The following MAD1L1 variants were observed in gnomAD, a reference collection of about 807,000 sequenced individuals.
The protein encoded by MAD1L1 is mitotic arrest deficient 1 like 1, also known as mitotic spindle assembly checkpoint protein MAD1.
MAD1L1 carries 95 observed loss-of-function variants against 96.9 expected under a neutral mutation model. The ratio of observed to expected loss-of-function variants is 0.98; its 90% CI spans 0.83 to 1.16. The LOEUF is 1.16. Ranked by LOEUF, MAD1L1 falls within the 50% of genes most tolerant of loss-of-function variation. The pLI, the probability that MAD1L1 is intolerant of heterozygous loss-of-function variation, is 0.00. For synonymous variants in MAD1L1, 473 were observed against 396.6 expected (o/e 1.19, Z -2.29); for missense variants, 1,007 against 954.4 (o/e 1.06, Z -0.73).
Position 1,989,608 on chromosome 7 carries a change from G to A in MAD1L1, c.1417-9067C>T, listed in dbSNP as rs540427008. On this transcript the variant is annotated intron_variant, in intron 14 of 18. Coordinates refer to ENST00000265854, the MANE Select transcript of MAD1L1 (RefSeq NM_001013836.2). Reference sequence around the variant, plus strand: ...GACCCTGGGAGAGCAGCCTGAGCGCGAGCACAGACGTCCCGGCAGCGCTCC... The same window carrying A: ...GACCCTGGGAGAGCAGCCTGAGCGCAAGCACAGACGTCCCGGCAGCGCTCC... Among the ~76,000 whole-genome samples the A allele has an allele frequency of 2.8e-4, 42 of 152,356 alleles. No individual in the cohort carries two copies. In the East Asian group the frequency reaches 6.0e-3, roughly 22 times the overall value.
chr7:2,151,355 C>A (rs1425075344), intron 10 of MAD1L1, among the ~76,000 whole-genome samples: 1 of 152,238 alleles, frequency 6.6e-6, no homozygotes, highest in Non-Finnish European at 1.5e-5. Flanking sequence ...AGGCTACAGG[C>A]TCCACCTACA....
At chr7:1,934,532 A>G (rs73050177) in intron 17 of MAD1L1, among the ~76,000 whole-genome samples, 5,106 of 151,576 alleles carry the variant, frequency 0.034, 189 homozygotes, top group Admixed American at 0.099. Flanking sequence ...CAGACAGGTG[A>G]ACCCGAGATG....
intron 18 of MAD1L1, among the ~76,000 whole-genome samples, chr7:1,823,984 G>A (rs1389293217): frequency 6.6e-6 from 1 of 152,332 alleles, no homozygotes; most frequent in South Asian, 2.1e-4. Context: ...GGGAAGTTAT[G>A]CTGGGAGCCC....
chr7:1,825,191 G>C (rs188405950), intron 18 of MAD1L1, among the ~76,000 whole-genome samples: 1 of 152,168 alleles, frequency 6.6e-6, no homozygotes, highest in Non-Finnish European at 1.5e-5. Flanking sequence ...TCCCCACTGC[G>C]GACACATGCA....
chr7:2,026,716 A>G (rs761456159), intron 12 of MAD1L1, among the ~76,000 whole-genome samples: 26 of 152,206 alleles, frequency 1.7e-4, no homozygotes, highest in Admixed American at 3.3e-4. Context: ...AAAAATCACA[A>G]TGGAAATTGA....
intron 12 of MAD1L1, among the ~76,000 whole-genome samples, chr7:2,067,768 G>A (rs765735488): frequency 4.6e-5 from 7 of 152,326 alleles, no homozygotes; most frequent in East Asian, 1.9e-4. Flanking sequence ...ACACACTTTC[G>A]CAAAGGGGAA....
chr7:1,886,957 C>G (rs913002666), intron 18 of MAD1L1, among the ~76,000 whole-genome samples: 3 of 152,272 alleles, frequency 2.0e-5, no homozygotes, highest in Non-Finnish European at 4.4e-5. Context: ...CCCGCAGGTT[C>G]CTGGTGAGAA....
intron 16 of MAD1L1, among the ~76,000 whole-genome samples, chr7:1,949,611 T>C (rs891768844): frequency 2.0e-5 from 3 of 152,146 alleles, no homozygotes; most frequent in African/African-American, 7.2e-5. Context: ...CCGCAGCCAC[T>C]TTCCACCTCC....
At chr7:2,118,210 C>T (rs1339561885) in intron 11 of MAD1L1, among the ~76,000 whole-genome samples, 3 of 152,232 alleles carry the variant, frequency 2.0e-5, no homozygotes, top group African/African-American at 7.2e-5. Context: ...CACAGCCTGT[C>T]AGACCCTCCA....
At chr7:1,961,001 G>A (rs1370018898) in intron 15 of MAD1L1, among the ~76,000 whole-genome samples, 1 of 152,152 alleles carries the variant, frequency 6.6e-6, no homozygotes, top group African/African-American at 2.4e-5. Flanking sequence ...AAATACTACT[G>A]ACAAAAGCAT....
At chr7:1,854,244 G>A (rs896641895) in intron 18 of MAD1L1, 7 of 351,126 alleles carry the variant, frequency 2.0e-5, no homozygotes, top group East Asian at 8.3e-5. Context: ...CCGGTGCCTC[G>A]GTGTTGGGTA....
Position 2,123,343 on chromosome 7 carries a change from T to C in MAD1L1, c.1073+25809A>G, listed in dbSNP as rs945527055. Reference sequence around the variant, plus strand: ...AAAGCAGCAGGGGAGCTCAGCCAGCTCAGGGACTGAGATGAAACTGCACGC... The same window carrying C: ...AAAGCAGCAGGGGAGCTCAGCCAGCCCAGGGACTGAGATGAAACTGCACGC... On this transcript the variant is annotated intron_variant, in intron 11 of 18. Coordinates refer to ENST00000265854, the MANE Select transcript of MAD1L1 (RefSeq NM_001013836.2). Among the ~76,000 whole-genome samples the C allele has an allele frequency of 2.7e-5, 4 of 148,572 alleles. No individual in the cohort carries two copies. The South Asian group carries it at 8.6e-4, about 32-fold the overall frequency.
chr7:2,111,731 A>T (rs986876502), intron 11 of MAD1L1, among the ~76,000 whole-genome samples: 12 of 152,202 alleles, frequency 7.9e-5, no homozygotes, highest in Non-Finnish European at 1.5e-4. Context: ...CTGTGGGGGC[A>T]GCTAAGCCCA....
intron 18 of MAD1L1, among the ~76,000 whole-genome samples, chr7:1,888,218 GTGCA>G (rs1263049216): frequency 6.6e-5 from 10 of 151,792 alleles, no homozygotes; most frequent in African/African-American, 1.9e-4. Flanking sequence ...GTGCATGTGT[GTGCA>G]TGCATGCATG....
At chr7:1,948,759 C>G (rs903393166) in intron 16 of MAD1L1, among the ~76,000 whole-genome samples, 2 of 152,276 alleles carry the variant, frequency 1.3e-5, no homozygotes, top group Admixed American at 6.5e-5. Context: ...GGGACAGCAT[C>G]CCCTTCCTAA....
rs1346848569 is a variant in MAD1L1 at position 2,213,288 on chromosome 7, A to G, written c.925-15T>C. The G allele has an allele frequency of 6.2e-7, 1 of 1,613,308 alleles. No homozygotes were observed. Among genetic ancestry groups the G allele is most frequent in the Non-Finnish European group, 8.5e-7 (1 of 1,179,358 alleles). On this transcript the variant is annotated splice_polypyrimidine_tract_variant and intron_variant, in intron 9 of 18. Coordinates refer to ENST00000265854, the MANE Select transcript of MAD1L1 (RefSeq NM_001013836.2). The stretch of plus-strand genomic sequence containing the variant: ...GCCAGCAGCCTCTGAAAAGACAACA[A>G]AAGCACAGACCCTGTCATCACCTGC...
intron 16 of MAD1L1, among the ~76,000 whole-genome samples, chr7:1,952,819 A>G (rs988707482): frequency 6.6e-6 from 1 of 152,266 alleles, no homozygotes; most frequent in Non-Finnish European, 1.5e-5. Flanking sequence ...TAGAAGGTTC[A>G]GGAGAAAGAG....
chr7:1,947,991 C>A (rs1779309824), intron 16 of MAD1L1, among the ~76,000 whole-genome samples: 1 of 152,240 alleles, frequency 6.6e-6, no homozygotes. Context: ...AGAGGCCATG[C>A]TGCTGTCCGT....
intron 12 of MAD1L1, among the ~76,000 whole-genome samples, chr7:2,027,983 T>C (rs1783057736): frequency 6.6e-6 from 1 of 151,974 alleles, no homozygotes. Context: ...AATAAGTAGA[T>C]TTAGCAATGC....
Sources: gnomAD v4.1 joint callset for allele counts (sites outside exome capture counted in the v4.1 genomes callset) on GRCh38, gnomAD v4.1.1 for gene constraint, MANE v1.5 for transcripts, NCBI Gene and HGNC (gene_info 2026-07-23, HGNC 2026-07-21) for gene names.